Variants in GPC6 observed in about 807,000 individuals in gnomAD.
The protein encoded by GPC6 is glypican 6.
GPC6 carries 14 observed loss-of-function variants against 55.2 expected under a neutral mutation model. That is an observed-to-expected ratio of 0.25 (90% CI 0.17 to 0.40). The LOEUF (loss-of-function observed/expected upper bound fraction) is 0.40. Among genes scored for constraint, GPC6 ranks in the 10% least tolerant of loss-of-function variants. The pLI is 1.00. For synonymous variants in GPC6, 278 were observed against 259.6 expected (o/e 1.07, Z -0.68); for missense variants, 641 against 708.5 (o/e 0.90, Z 1.08).
intron 2 of GPC6, among the ~76,000 whole-genome samples, chr13:93,597,095 A>C (rs1877790805): frequency 6.6e-6 from 1 of 151,318 alleles, no homozygotes; most frequent in African/African-American, 2.4e-5. Flanking sequence ...TTATGGTTCT[A>C]TCTAGGCCTT....
rs1354500098 is a variant in GPC6 at position 93,348,468 on chromosome 13, A to C, written c.160+120852A>C. 2.6e-5 allele frequency among the ~76,000 whole-genome samples: 4 copies of C among 152,160 alleles called. No individual in the cohort carries two copies. The East Asian group carries it at 7.7e-4, about 29-fold the overall frequency. ...TTCTGCCCTCTTACTTGCATTATTT[A>C]TTTGTATGTAAAGATTTTGTTCGCA... On this transcript the variant is annotated intron_variant, in intron 1 of 8. Coordinates refer to ENST00000377047, the MANE Select transcript of GPC6 (RefSeq NM_005708.5).
chr13:93,427,280 C>A (rs1877175825), intron 1 of GPC6, among the ~76,000 whole-genome samples: 1 of 151,710 alleles, frequency 6.6e-6, no homozygotes, highest in South Asian at 2.1e-4. Context: ...CAAAAAAGAG[C>A]CTGCATCGCC....
At chr13:93,488,744 A>G (rs1258872865) in intron 1 of GPC6, among the ~76,000 whole-genome samples, 1 of 151,858 alleles carries the variant, frequency 6.6e-6, no homozygotes, top group Admixed American at 6.6e-5. Flanking sequence ...TTTTTCATGT[A>G]TTTTTTGGCT....
At chr13:94,334,447 T>C (rs1877581771) in intron 6 of GPC6, among the ~76,000 whole-genome samples, 1 of 152,230 alleles carries the variant, frequency 6.6e-6, no homozygotes, top group Admixed American at 6.5e-5. Flanking sequence ...GGTATCAATA[T>C]AGATGTTTAA....
intron 2 of GPC6, among the ~76,000 whole-genome samples, chr13:93,634,279 A>G (rs1566460395): frequency 6.6e-6 from 1 of 152,192 alleles, no homozygotes; most frequent in Non-Finnish European, 1.5e-5. Flanking sequence ...CTTGTTCCAG[A>G]ACAGACATTA....
At chr13:93,782,623 G>T (rs527381796) in intron 2 of GPC6, among the ~76,000 whole-genome samples, 2 of 152,024 alleles carry the variant, frequency 1.3e-5, no homozygotes, top group East Asian at 1.9e-4. Flanking sequence ...AACAGTCATC[G>T]TAACAAGTAT....
chr13:93,448,342 A>G (rs1382600779), intron 1 of GPC6, among the ~76,000 whole-genome samples: 7 of 152,198 alleles, frequency 4.6e-5, no homozygotes, highest in African/African-American at 1.7e-4. Flanking sequence ...ACTATACCAT[A>G]TAGCCTTGGT....
chr13:93,286,077 C>T (rs1262067311), intron 1 of GPC6, among the ~76,000 whole-genome samples: 1 of 152,042 alleles, frequency 6.6e-6, no homozygotes, highest in African/African-American at 2.4e-5. Flanking sequence ...CCTGAGACTG[C>T]GTAATTTACA....
intron 4 of GPC6, among the ~76,000 whole-genome samples, chr13:94,174,950 G>A (rs778780499): frequency 2.0e-5 from 3 of 152,058 alleles, no homozygotes; most frequent in Non-Finnish European, 2.9e-5. Context: ...AGCTATCTCT[G>A]AGATCAAGAT....
chr13:94,237,526 C>A (rs1290539941), intron 4 of GPC6, among the ~76,000 whole-genome samples: 1 of 152,098 alleles, frequency 6.6e-6, no homozygotes, highest in African/African-American at 2.4e-5. Context: ...TAGCAAGGAG[C>A]TTTCTGAGAA....
At chr13:94,190,191 T>C (rs551558922) in intron 4 of GPC6, among the ~76,000 whole-genome samples, 1 of 150,262 alleles carries the variant, frequency 6.7e-6, no homozygotes, top group African/African-American at 2.5e-5. Context: ...GGCATGGTGG[T>C]GGGTGCCTGT....
chr13:93,702,672 T>C (rs1348919840), intron 2 of GPC6, among the ~76,000 whole-genome samples: 2 of 152,052 alleles, frequency 1.3e-5, no homozygotes, highest in Admixed American at 1.3e-4. Context: ...CTAGGTCTCC[T>C]AGATAACTTG....
intron 1 of GPC6, among the ~76,000 whole-genome samples, chr13:93,434,148 T>C (rs1166429734): frequency 1.3e-5 from 2 of 152,206 alleles, no homozygotes; most frequent in African/African-American, 4.8e-5. Flanking sequence ...GAGTGTCATG[T>C]TGGTGATGGC....
chr13:93,352,968 A>G (rs1880684665), intron 1 of GPC6, among the ~76,000 whole-genome samples: 1 of 152,196 alleles, frequency 6.6e-6, no homozygotes, highest in South Asian at 2.1e-4. Flanking sequence ...TGATTTATAC[A>G]AACATTCAAG....
At chr13:94,149,182 T>A (rs1205900472) in intron 4 of GPC6, among the ~76,000 whole-genome samples, 4 of 152,152 alleles carry the variant, frequency 2.6e-5, no homozygotes, top group African/African-American at 9.6e-5. Flanking sequence ...CCCAAATCCA[T>A]GGACAGTGTA....
intron 1 of GPC6, among the ~76,000 whole-genome samples, chr13:93,461,525 T>C (rs771453290): frequency 4.6e-5 from 7 of 152,194 alleles, no homozygotes; most frequent in African/African-American, 7.2e-5. Flanking sequence ...TATATAAGTA[T>C]AGCACATAGT....
At chr13:93,291,288 C>G (rs899392070) in intron 1 of GPC6, among the ~76,000 whole-genome samples, 3 of 152,136 alleles carry the variant, frequency 2.0e-5, no homozygotes, top group African/African-American at 7.2e-5. Context: ...CAGTATGAGT[C>G]AAGTGACAGA....
rs144851689 is a variant in GPC6 at position 93,249,934 on chromosome 13, G to T, written c.160+22318G>T. Among the ~76,000 whole-genome samples the T allele has an allele frequency of 3.4e-3, 517 of 152,184 alleles. 4 individuals carry two copies. Among genetic ancestry groups the T allele is most frequent in the African/African-American group, 0.012 (482 of 41,520 alleles). Reference sequence around the variant, plus strand: ...ATATAACCTGTGTAGTTTTCCGCAGGAGCTCCCACTTGATGGGTAACAGGA... The same window carrying T: ...ATATAACCTGTGTAGTTTTCCGCAGTAGCTCCCACTTGATGGGTAACAGGA... On this transcript the variant is annotated intron_variant, in intron 1 of 8. Coordinates refer to ENST00000377047, the MANE Select transcript of GPC6 (RefSeq NM_005708.5).
intron 3 of GPC6, among the ~76,000 whole-genome samples, chr13:93,998,083 T>C (rs906219128): frequency 1.3e-5 from 2 of 152,144 alleles, no homozygotes; most frequent in Non-Finnish European, 2.9e-5. Context: ...ATTTATAGAG[T>C]TTTCCGATTT....
Sources: gnomAD v4.1 joint callset for allele counts (sites outside exome capture counted in the v4.1 genomes callset) on GRCh38, gnomAD v4.1.1 for gene constraint, MANE v1.5 for transcripts, NCBI Gene and HGNC (gene_info 2026-07-23, HGNC 2026-07-21) for gene names.